CEP63: variants seen among roughly 807,000 people sequenced by gnomAD.
CEP63 encodes the protein centrosomal protein of 63 kDa.
CEP63 carries 84 observed loss-of-function variants against 89.1 expected under a neutral mutation model. The ratio of observed to expected loss-of-function variants is 0.94; its 90% confidence interval spans 0.79 to 1.13. The LOEUF is 1.13. Ranked by LOEUF, CEP63 falls within the 50% of genes most tolerant of loss-of-function variation. CEP63 has a pLI of 0.00. For synonymous variants in CEP63, 267 were observed against 272.5 expected (o/e 0.98, Z 0.20); for missense variants, 838 against 813.3 (o/e 1.03, Z -0.37).
the CEP63 span, among the ~76,000 whole-genome samples, chr3:134,736,513 A>G: frequency 1.3e-5 from 2 of 152,202 alleles, no homozygotes; most frequent in Non-Finnish European, 2.9e-5. Context: ...TTTACCAGCA[A>G]TGAATAGTCA....
chr3:134,609,125 A>G, the CEP63 span, among the ~76,000 whole-genome samples: 1 of 152,250 alleles, frequency 6.6e-6, no homozygotes, highest in East Asian at 1.9e-4. Context: ...AAAGACAATC[A>G]GAAGTTCAAA....
chr3:134,496,286 A>G (rs940880827), intron 2 of CEP63, among the ~76,000 whole-genome samples: 2 of 152,256 alleles, frequency 1.3e-5, no homozygotes, highest in Non-Finnish European at 2.9e-5. Flanking sequence ...AGTCAGAGCC[A>G]TGGGCATACA....
chr3:134,547,308 T>TA (rs769281142), intron 8 of CEP63, 27 bp from the exon 9 acceptor site: 1 of 1,610,044 alleles, frequency 6.2e-7, no homozygotes, highest in Non-Finnish European at 8.5e-7. Context: ...ATAAAGGCGT[T>TA]AACAATCATC....
intron 10 of CEP63, among the ~76,000 whole-genome samples, chr3:134,581,877 G>A (rs955061869): frequency 7.3e-5 from 11 of 151,118 alleles, no homozygotes; most frequent in African/African-American, 2.7e-4. Context: ...GGGTTTCACC[G>A]TGTTAGCCAG....
At chr3:134,738,287 CA>C in the CEP63 span, among the ~76,000 whole-genome samples, 16 of 138,086 alleles carry the variant, frequency 1.2e-4, no homozygotes, top group African/African-American at 3.8e-4. Flanking sequence ...CACACACACA[CA>C]CCACAATATC....
chr3:134,712,942 G>A, the CEP63 span, among the ~76,000 whole-genome samples: 4 of 152,206 alleles, frequency 2.6e-5, no homozygotes, highest in East Asian at 3.8e-4. Context: ...TGGTTCCCTT[G>A]GACTGTTCCA....
intron 2 of CEP63, among the ~76,000 whole-genome samples, chr3:134,497,340 T>A (rs571903226): frequency 6.6e-6 from 1 of 152,272 alleles, no homozygotes; most frequent in South Asian, 2.1e-4. Flanking sequence ...ATCTTTGCCT[T>A]GACCAGTGTA....
intron 2 of CEP63, among the ~76,000 whole-genome samples, chr3:134,497,238 T>A (rs1344494979): frequency 2.0e-5 from 3 of 152,148 alleles, no homozygotes; most frequent in Non-Finnish European, 4.4e-5. Flanking sequence ...CTCTATTGTT[T>A]CCTTTGCCGT....
chr3:134,676,508 G>C, the CEP63 span, among the ~76,000 whole-genome samples: 2 of 152,210 alleles, frequency 1.3e-5, no homozygotes, highest in Non-Finnish European at 2.9e-5. Context: ...AGACAGTGGT[G>C]ATAGTTACAC....
chr3:134,735,557 G>A, the CEP63 span, among the ~76,000 whole-genome samples: 1 of 152,136 alleles, frequency 6.6e-6, no homozygotes, highest in Non-Finnish European at 1.5e-5. Flanking sequence ...TGACGGTTGA[G>A]ACAAGAAGGT....
At chr3:134,643,515 C>T in the CEP63 span, 4 of 661,138 alleles carry the variant, frequency 6.1e-6, no homozygotes, top group Non-Finnish European at 1.1e-5. Context: ...GTGTGCACAC[C>T]CTCACAGTGT....
At chr3:134,661,196 T>C in the CEP63 span, among the ~76,000 whole-genome samples, 2 of 152,168 alleles carry the variant, frequency 1.3e-5, no homozygotes, top group African/African-American at 4.8e-5. Flanking sequence ...ATCCCTCCAC[T>C]CCACCGCATA....
downstream of CEP63, among the ~76,000 whole-genome samples, chr3:134,566,083 A>G (rs557629438): frequency 5.3e-5 from 8 of 152,144 alleles, no homozygotes; most frequent in South Asian, 1.5e-3. Context: ...TGTAAAAGCT[A>G]TTTCTCCGCA....
downstream of CEP63, among the ~76,000 whole-genome samples, chr3:134,569,428 G>A (rs1162461940): frequency 6.6e-6 from 1 of 152,196 alleles, no homozygotes; most frequent in Non-Finnish European, 1.5e-5. Context: ...GGAGAAATTG[G>A]CCAAAACAAG....
chr3:134,547,604 G>GGTCT, intron 9 of CEP63, 132 bp downstream of exon 9: 3 of 178,994 alleles, frequency 1.7e-5, no homozygotes, highest in Non-Finnish European at 1.8e-5. Context: ...AATGGCCTAA[G>GGTCT]TTCTTATTTC....
the CEP63 span, among the ~76,000 whole-genome samples, chr3:134,757,051 T>G: frequency 2.0e-5 from 3 of 152,184 alleles, no homozygotes; most frequent in African/African-American, 7.2e-5. Context: ...GTTCTGAGCC[T>G]CTAAAGCACA....
the CEP63 span, among the ~76,000 whole-genome samples, chr3:134,746,362 A>T: frequency 2.0e-5 from 3 of 152,194 alleles, no homozygotes; most frequent in Non-Finnish European, 2.9e-5. Flanking sequence ...TGCTATTGTG[A>T]ATAGTGCTGC....
At chr3:134,539,014 T>C (rs1262123201) in intron 6 of CEP63, among the ~76,000 whole-genome samples, 1 of 152,232 alleles carries the variant, frequency 6.6e-6, no homozygotes, top group Non-Finnish European at 1.5e-5. Context: ...TTAATTCTTC[T>C]GATAGTTTTG....
the CEP63 span, among the ~76,000 whole-genome samples, chr3:134,739,453 A>C: frequency 6.6e-6 from 1 of 152,194 alleles, no homozygotes; most frequent in South Asian, 2.1e-4. Context: ...ATATACCGGG[A>C]GATTAGAAAT....
Sources: allele counts gnomAD v4.1 joint callset (sites outside exome capture counted in the v4.1 genomes callset), GRCh38; gene constraint gnomAD v4.1.1; transcripts MANE v1.5; gene names NCBI Gene and HGNC (gene_info 2026-07-23, HGNC 2026-07-21).